Variants in NDRG4 observed in about 807,000 individuals in gnomAD.
NDRG4 encodes the protein protein NDRG4.
NDRG4 carries 38 observed loss-of-function variants against 55.8 expected under a neutral mutation model. That is an observed-to-expected ratio of 0.68 (90% confidence interval 0.53 to 0.89). NDRG4 has a LOEUF of 0.89. Among genes scored for constraint, NDRG4 ranks in the 40% least tolerant of loss-of-function variants. NDRG4 has a pLI of 0.00. For synonymous variants in NDRG4, 190 were observed against 182.7 expected (o/e 1.04, Z -0.32); for missense variants, 455 against 468.6 (o/e 0.97, Z 0.27).
chr16:58,467,037 C>T (rs796126313), intron 1 of NDRG4, among the ~76,000 whole-genome samples: 1 of 152,300 alleles, frequency 6.6e-6, no homozygotes, highest in Non-Finnish European at 1.5e-5. Context: ...ACAAGCAGGT[C>T]ACAGTCCGGG....
At chr16:58,499,512 G>C (rs1310069976), upstream of NDRG4, 1 of 152,676 alleles carries the variant, frequency 6.5e-6, no homozygotes, top group Non-Finnish European at 1.5e-5. Context: ...GGGCAAGGTG[G>C]GATTTTCATC....
At chr16:58,497,949 CAGAG>C (rs1307040080), upstream of NDRG4, among the ~76,000 whole-genome samples, 1 of 151,922 alleles carries the variant, frequency 6.6e-6, no homozygotes, top group African/African-American at 2.4e-5. Context: ...GCCTGAGACA[CAGAG>C]AGGTTAAAAA....
intron 2 of NDRG4, chr16:58,494,844 A>AAAG (rs1567598495): frequency 1.9e-4 from 156 of 810,606 alleles, no homozygotes; most frequent in Non-Finnish European, 2.3e-4. Flanking sequence ...AAAAAAAAAA[A>AAAG]AAAGAAAAGA....
intron 1 of NDRG4, among the ~76,000 whole-genome samples, chr16:58,480,439 G>T (rs2034257340): frequency 6.6e-6 from 1 of 152,194 alleles, no homozygotes; most frequent in Admixed American, 6.5e-5. Flanking sequence ...TCCAAGTTTT[G>T]TGGCCAAACT....
rs182170848 is a variant in NDRG4 at position 58,504,023 on chromosome 16, G to A, written c.127+120G>A. 3.8e-4 allele frequency: 593 copies of A among 1,561,432 alleles called. 3 individuals carry two copies. The African/African-American group carries it at 6.7e-3, about 18-fold the overall frequency. On this transcript the variant is annotated intron_variant, in intron 2 of 14. Transcript: ENST00000570248. Reference sequence around the variant, plus strand: ...ACTCACACTCACCTCTGTTGCCTTCGCCCTCCGGGCCTCCATTTCCCCGAC... The same window carrying A: ...ACTCACACTCACCTCTGTTGCCTTCACCCTCCGGGCCTCCATTTCCCCGAC...
intron 1 of NDRG4, among the ~76,000 whole-genome samples, chr16:58,503,288 C>T (rs559844514): frequency 2.6e-5 from 4 of 152,228 alleles, no homozygotes; most frequent in South Asian, 4.1e-4. Context: ...GAACCACATG[C>T]GCAAGAGCCT....
At chr16:58,476,851 A>G (rs923557187) in intron 1 of NDRG4, among the ~76,000 whole-genome samples, 7 of 152,196 alleles carry the variant, frequency 4.6e-5, no homozygotes, top group Non-Finnish European at 8.8e-5. Context: ...GCTTTTTTAA[A>G]ATCTGGATCT....
chr16:58,468,855 T>C (rs752614969), intron 1 of NDRG4, among the ~76,000 whole-genome samples: 15 of 152,298 alleles, frequency 9.8e-5, no homozygotes, highest in Non-Finnish European at 1.8e-4. Flanking sequence ...TTTTATTTTT[T>C]AGTGTGATAT....
In NDRG4 at chr16:58,513,168, ATGTGTGTG is replaced by A. The variant is rs60858251; in HGVS notation, c.*1614_*1621del. ...GTATCTATAAATATCTATACATTAT[ATGTGTGTG>A]TGTGTGTGTGTGTGTGTGTGTACAT... is the stretch of plus-strand genomic sequence containing the variant. On this transcript the variant is annotated 3_prime_UTR_variant, in exon 15 of 15. Transcript: ENST00000570248. The A allele has an allele frequency of 0.13, 19,886 of 150,198 alleles. 1,613 individuals carry two copies. The highest frequency in any genetic ancestry group is 0.24 in the Admixed American group (3,617 of 15,094). The allele number at this position is 150,198 out of a possible 1,614,324, so 9.3% of individuals were successfully genotyped here. A position where few individuals can be genotyped will look rare whatever the true frequency, so the allele number is the denominator to read the frequency against.
chr16:58,490,071 G>T (rs1435395740), intron 2 of NDRG4, among the ~76,000 whole-genome samples: 1 of 152,110 alleles, frequency 6.6e-6, no homozygotes, highest in African/African-American at 2.4e-5. Context: ...TGAACTTCTG[G>T]GTGCAAGTGA....
rs112013500 is a variant in NDRG4 at position 58,509,462 on chromosome 16, G to A, written c.865+110G>A. On this transcript the variant is annotated intron_variant, in intron 13 of 14. Transcript: ENST00000570248. ...GGCACGTGGTGTCAGGTGGTAGTAG[G>A]GAGCCCATAAGCATAGGAGTTTTGT... 4.3e-6 allele frequency: 5 copies of A among 1,175,802 alleles called. No homozygotes were observed. In the African/African-American group the frequency reaches 4.5e-5, roughly 11 times the overall value. 72.8% of individuals were successfully genotyped at this position (1,175,802 alleles called of 1,614,324 possible).
intron 1 of NDRG4, among the ~76,000 whole-genome samples, chr16:58,467,498 C>T (rs955540274): frequency 2.0e-5 from 3 of 151,964 alleles, no homozygotes; most frequent in African/African-American, 7.3e-5. Flanking sequence ...CAGAGCAAGA[C>T]TCTGTCTCAA....
chr16:58,506,158 C>CGTGTGTGTGTGTGTG, intron 5 of NDRG4: 1 of 429,658 alleles, frequency 2.3e-6, no homozygotes, highest in Non-Finnish European at 4.2e-6. Flanking sequence ...GTGTGTGTGT[C>CGTGTGTGTGTGTGTG]TGTGTGTGTG....
chr16:58,507,386 T>G (rs557039929), intron 8 of NDRG4: 33 of 365,202 alleles, frequency 9.0e-5, no homozygotes, highest in South Asian at 1.9e-4. Context: ...GGAGCCCCCT[T>G]TAGGGGCTGC....
At chr16:58,486,824 C>A (rs1259376130) in intron 1 of NDRG4, among the ~76,000 whole-genome samples, 1 of 152,056 alleles carries the variant, frequency 6.6e-6, no homozygotes, top group Non-Finnish European at 1.5e-5. Flanking sequence ...GGGCCCGGGC[C>A]CACCCTCTGG....
chr16:58,485,592 C>G (rs1316050363), intron 1 of NDRG4, among the ~76,000 whole-genome samples: 1 of 152,182 alleles, frequency 6.6e-6, no homozygotes, highest in Admixed American at 6.5e-5. Flanking sequence ...TCTTTCAGCT[C>G]TCCCAGCCCC....
intron 1 of NDRG4, among the ~76,000 whole-genome samples, chr16:58,475,947 C>T (rs953819961): frequency 2.0e-5 from 3 of 152,212 alleles, no homozygotes; most frequent in Non-Finnish European, 4.4e-5. Flanking sequence ...CAGGTGCTGG[C>T]CACCACACCT....
At chr16:58,515,337 A>T, downstream of NDRG4, 1 of 588,852 alleles carries the variant, frequency 1.7e-6, no homozygotes, top group Non-Finnish European at 2.8e-6. Flanking sequence ...CTCCTTCTGC[A>T]CTCGCAGCGC....
At chr16:58,465,503 G>A (rs929411540) in intron 1 of NDRG4, among the ~76,000 whole-genome samples, 2 of 151,036 alleles carry the variant, frequency 1.3e-5, no homozygotes, top group African/African-American at 4.9e-5. Context: ...AGGCTTGTTC[G>A]GGGAGAGGTA....
Sources: allele counts gnomAD v4.1 joint callset (sites outside exome capture counted in the v4.1 genomes callset), GRCh38; gene constraint gnomAD v4.1.1; transcripts MANE v1.5; gene names NCBI Gene and HGNC (gene_info 2026-07-23, HGNC 2026-07-21).